Variants in ZNF599 observed in about 807,000 individuals in gnomAD.
ZNF599 encodes the protein zinc finger protein 599.
In ZNF599, 10 loss-of-function variants were observed where a neutral mutation model predicts 11.7. That is an observed-to-expected ratio of 0.86 (90% CI 0.53 to 1.45). The LOEUF (loss-of-function observed/expected upper bound fraction) is 1.45. Among genes scored for constraint, ZNF599 ranks in the 40% most tolerant of loss-of-function variants. The pLI is 0.00. For missense variants in ZNF599, 688 were observed against 713.6 expected, an observed-to-expected ratio of 0.96 and a Z score of 0.41; for synonymous variants, 232 against 253.2, an observed-to-expected ratio of 0.92 and a Z score of 0.79.
chr19:34,797,750 T>G, the ZNF599 span, among the ~76,000 whole-genome samples: 1,375 of 152,324 alleles, frequency 9.0e-3, 13 homozygotes, highest in Non-Finnish European at 0.014. Flanking sequence ...CTATATTTAG[T>G]AAGATACTAA....
the ZNF599 span, among the ~76,000 whole-genome samples, chr19:34,806,940 T>C: frequency 7.9e-5 from 12 of 152,296 alleles, no homozygotes; most frequent in African/African-American, 2.9e-4. Context: ...TGCTTTGGTG[T>C]TTGGGTTTCT....
rs1255258558 is a variant in ZNF599, at chr19:34,759,112, A to C, written c.1689T>G (p.Phe563Leu). Residue 563 changes from phenylalanine to leucine, a missense_variant, in exon 4 of 4, where the codon TTT becomes TTG. By Grantham distance (22) the Phe-to-Leu change is conservative (BLOSUM62 0). Coordinates refer to ENST00000329285, the MANE Select transcript of ZNF599 (RefSeq NM_001007248.3). ...AGGTCTTTCCACATTCATTGCATTC[A>C]AAGGGTTTCTCTCCAGTGTGAGTTC... Reference protein sequence around the residue: ...HMRTHTGEKPFECNECGKTFS... With the variant: ...HMRTHTGEKPLECNECGKTFS... 1.9e-6 allele frequency: 3 copies of C among 1,614,128 alleles called. No individual in the cohort carries two copies. Among genetic ancestry groups the C allele is most frequent in the African/African-American group, 2.7e-5 (2 of 74,952 alleles).
At chr19:34,761,104 G>C (rs2069110641) in intron 3 of ZNF599, among the ~76,000 whole-genome samples, 1 of 152,160 alleles carries the variant, frequency 6.6e-6, no homozygotes, top group South Asian at 2.1e-4. Context: ...AATGCTGATT[G>C]CTGAGTAATG....
chr19:34,791,161 T>C, the ZNF599 span, among the ~76,000 whole-genome samples: 1 of 152,194 alleles, frequency 6.6e-6, no homozygotes, highest in East Asian at 1.9e-4. Flanking sequence ...AAACCCATTT[T>C]CTCTCCTCTT....
At chr19:34,769,193 T>G (rs1356130846) in intron 2 of ZNF599, among the ~76,000 whole-genome samples, 1 of 152,208 alleles carries the variant, frequency 6.6e-6, no homozygotes, top group Non-Finnish European at 1.5e-5. Context: ...GATGTCAGAC[T>G]GAGGCCAGCT....
At position 34,759,715 on chromosome 19, in the gene ZNF599, T is replaced by C; in HGVS notation, c.1086A>G (p.Thr362=). The part of the protein sequence containing the change: ...STFIQHNVTH[T]GEKPFLCKEC... The stretch of plus-strand genomic sequence containing the variant: ...CTTTACATAAAAATGGTTTTTCTCC[T>C]GTGTGGGTCACATTGTGCTGGATAA... Residue 362 remains threonine (T), a synonymous_variant, in exon 4 of 4, where the codon ACA becomes ACG. Coordinates refer to ENST00000329285, the MANE Select transcript of ZNF599 (RefSeq NM_001007248.3). 1 of 1,613,958 alleles carries C rather than the reference T, an allele frequency of 6.2e-7. No individual in the cohort carries two copies. The highest frequency in any genetic ancestry group is 8.5e-7 in the Non-Finnish European group (1 of 1,179,996).
the ZNF599 span, among the ~76,000 whole-genome samples, chr19:34,790,317 C>T: frequency 3.3e-5 from 5 of 152,064 alleles, no homozygotes; most frequent in African/African-American, 1.2e-4. Context: ...CAAGCATCAA[C>T]CTAAGTGTCT....
At chr19:34,801,645 G>A in the ZNF599 span, among the ~76,000 whole-genome samples, 2,172 of 152,322 alleles carry the variant, frequency 0.014, 47 homozygotes, top group African/African-American at 0.05. Context: ...GCTTTCCTGA[G>A]TTCACTGCAC....
chr19:34,770,583 A>G (rs1317152576), intron 1 of ZNF599, among the ~76,000 whole-genome samples: 1 of 152,182 alleles, frequency 6.6e-6, no homozygotes, highest in Non-Finnish European at 1.5e-5. Flanking sequence ...ATATCCCACA[A>G]TGAGCGCCAA....
At chr19:34,775,456 G>A (rs945524984), upstream of ZNF599, among the ~76,000 whole-genome samples, 3 of 152,186 alleles carry the variant, frequency 2.0e-5, no homozygotes, top group African/African-American at 4.8e-5. Flanking sequence ...ACTCTATAGA[G>A]GTTGAAGGTA....
chr19:34,797,108 C>A, the ZNF599 span, among the ~76,000 whole-genome samples: 2 of 152,102 alleles, frequency 1.3e-5, no homozygotes, highest in African/African-American at 4.8e-5. Context: ...ATGATGATTT[C>A]CAGCTTCATC....
the ZNF599 span, among the ~76,000 whole-genome samples, chr19:34,790,579 G>A: frequency 1.3e-5 from 2 of 152,172 alleles, no homozygotes; most frequent in African/African-American, 2.4e-5. Flanking sequence ...ACTCATAGAA[G>A]TAGAGAGCGG....
At chr19:34,784,663 T>A in the ZNF599 span, among the ~76,000 whole-genome samples, 1 of 152,050 alleles carries the variant, frequency 6.6e-6, no homozygotes, top group African/African-American at 2.4e-5. Flanking sequence ...AAGCCTAGTG[T>A]GTCCAGAGAC....
chr19:34,779,968 T>G, the ZNF599 span: 1 of 153,688 alleles, frequency 6.5e-6, no homozygotes, highest in Non-Finnish European at 1.4e-5. Context: ...GGAGAAAGCC[T>G]GCTGTGGCTA....
the ZNF599 span, among the ~76,000 whole-genome samples, chr19:34,791,657 T>A: frequency 1.3e-5 from 2 of 152,136 alleles, no homozygotes; most frequent in African/African-American, 4.8e-5. Context: ...TCTCCCCCAG[T>A]AGCAGGGAAG....
At chr19:34,781,857 A>G in the ZNF599 span, among the ~76,000 whole-genome samples, 1 of 152,206 alleles carries the variant, frequency 6.6e-6, no homozygotes, top group Non-Finnish European at 1.5e-5. Flanking sequence ...ATTGTAGGCT[A>G]ATGTTGGAGA....
chr19:34,764,126 GAATA>G (rs2069128461), intron 3 of ZNF599: 1 of 152,138 alleles, frequency 6.6e-6, no homozygotes, highest in African/African-American at 2.4e-5. Context: ...GTGTGACAAA[GAATA>G]AATGTTTGGT....
chr19:34,774,210 C>T (rs2069205457), upstream of ZNF599, among the ~76,000 whole-genome samples: 1 of 152,118 alleles, frequency 6.6e-6, no homozygotes, highest in Non-Finnish European at 1.5e-5. Flanking sequence ...GTGGAGTTGA[C>T]ATGGTTTCTA....
the ZNF599 span, among the ~76,000 whole-genome samples, chr19:34,783,970 G>C: frequency 1.3e-5 from 2 of 152,226 alleles, no homozygotes; most frequent in African/African-American, 4.8e-5. Context: ...GGCATGCAAA[G>C]AGTGCTTGGC....
Sources: gnomAD v4.1 joint callset for allele counts (sites outside exome capture counted in the v4.1 genomes callset) on GRCh38, gnomAD v4.1.1 for gene constraint, MANE v1.5 for transcripts, NCBI Gene and HGNC (gene_info 2026-07-23, HGNC 2026-07-21) for gene names.